Variants in CNTNAP5 observed in about 807,000 individuals in gnomAD.
CNTNAP5 encodes the protein contactin associated protein family member 5.
Under a neutral mutation model 150.2 loss-of-function variants are expected in CNTNAP5, and 72 were observed. That is an observed-to-expected ratio of 0.48 (90% CI 0.40 to 0.58). The LOEUF is 0.58. Ranked by LOEUF, CNTNAP5 falls within the 20% of genes least tolerant of loss-of-function variation. The pLI is 0.00. For missense variants in CNTNAP5, 1,636 were observed against 1,626.2 expected, an observed-to-expected ratio of 1.01 and a Z score of -0.10; for synonymous variants, 672 against 619.8, an observed-to-expected ratio of 1.08 and a Z score of -1.25.
chr2:124,452,670 G>A (rs1367668722), intron 6 of CNTNAP5, among the ~76,000 whole-genome samples: 1 of 152,140 alleles, frequency 6.6e-6, no homozygotes, highest in Non-Finnish European at 1.5e-5. Flanking sequence ...ACTGGAGCAG[G>A]TGCCCATATC....
At chr2:124,826,614 A>G (rs314705) in intron 19 of CNTNAP5, among the ~76,000 whole-genome samples, 131,657 of 152,088 alleles carry the variant, frequency 0.87, 57,475 homozygotes, top group African/African-American at 0.97. Flanking sequence ...TTGTGGACTC[A>G]TTAGAAATGC....
chr2:124,044,541 C>T (rs766226930), intron 1 of CNTNAP5, among the ~76,000 whole-genome samples: 5 of 152,170 alleles, frequency 3.3e-5, no homozygotes, highest in Non-Finnish European at 5.9e-5. Flanking sequence ...TAAAGAAAGA[C>T]ATTCAATTTC....
chr2:124,128,561 G>GTA (rs1558767095), intron 1 of CNTNAP5, among the ~76,000 whole-genome samples: 1 of 152,148 alleles, frequency 6.6e-6, no homozygotes, highest in Non-Finnish European at 1.5e-5. Context: ...CCATTACTGG[G>GTA]TATATACCCA....
intron 11 of CNTNAP5, among the ~76,000 whole-genome samples, chr2:124,563,559 T>C (rs1210175181): frequency 1.3e-5 from 2 of 152,214 alleles, no homozygotes; most frequent in African/African-American, 4.8e-5. Context: ...AATGAGATCA[T>C]GACAGTACAG....
chr2:124,496,400 T>A (rs1694148419), intron 7 of CNTNAP5, among the ~76,000 whole-genome samples: 1 of 152,168 alleles, frequency 6.6e-6, no homozygotes, highest in South Asian at 2.1e-4. Context: ...TTAGATTGGA[T>A]GAAGATCATT....
At chr2:124,269,779 A>C (rs1173383464) in intron 3 of CNTNAP5, among the ~76,000 whole-genome samples, 3 of 152,192 alleles carry the variant, frequency 2.0e-5, no homozygotes, top group Non-Finnish European at 4.4e-5. Context: ...AAGAAGTAAA[A>C]AATGTATGTT....
intron 13 of CNTNAP5, among the ~76,000 whole-genome samples, chr2:124,738,366 TAA>T (rs1204214997): frequency 1.3e-5 from 2 of 152,190 alleles, no homozygotes; most frequent in Non-Finnish European, 1.5e-5. Flanking sequence ...TAAAGATTTA[TAA>T]GAGTGTCTCA....
At chr2:124,255,587 TA>T (rs1271660360) in intron 3 of CNTNAP5, among the ~76,000 whole-genome samples, 1 of 60,350 alleles carries the variant, frequency 1.7e-5, no homozygotes, top group East Asian at 6.1e-4. Context: ...AATAAAATAA[TA>T]ATTTTTTTTT....
At chr2:124,252,240 G>C (rs1687198823) in intron 3 of CNTNAP5, among the ~76,000 whole-genome samples, 1 of 152,190 alleles carries the variant, frequency 6.6e-6, no homozygotes, top group Non-Finnish European at 1.5e-5. Context: ...CACAGCTTGG[G>C]CGGGGCATCC....
intron 20 of CNTNAP5, among the ~76,000 whole-genome samples, chr2:124,868,555 C>T (rs112321429): frequency 6.1e-4 from 93 of 152,292 alleles, no homozygotes; most frequent in African/African-American, 2.1e-3. Flanking sequence ...ATTTCCTTGA[C>T]GTCAACCCTA....
chr2:124,904,308 T>C (rs962240234), intron 22 of CNTNAP5, among the ~76,000 whole-genome samples: 3 of 152,148 alleles, frequency 2.0e-5, no homozygotes, highest in African/African-American at 4.8e-5. Flanking sequence ...AATGGCACAA[T>C]CTTTTTTAAT....
At chr2:124,752,004 T>C (rs1275437200) in intron 14 of CNTNAP5, among the ~76,000 whole-genome samples, 1 of 152,152 alleles carries the variant, frequency 6.6e-6, no homozygotes, top group African/African-American at 2.4e-5. Flanking sequence ...AGAGTAGGCA[T>C]TTTAGCTGAA....
chr2:124,110,938 T>A (rs1683281781), intron 1 of CNTNAP5, among the ~76,000 whole-genome samples: 2 of 152,092 alleles, frequency 1.3e-5, no homozygotes, highest in Admixed American at 1.3e-4. Context: ...AGAGCCCAAG[T>A]TCATTATCGA....
At chr2:124,296,829 G>C (rs1688443316) in intron 3 of CNTNAP5, among the ~76,000 whole-genome samples, 1 of 152,168 alleles carries the variant, frequency 6.6e-6, no homozygotes, top group East Asian at 1.9e-4. Flanking sequence ...GAAAAGGATA[G>C]CTGCAGTAGG....
intron 6 of CNTNAP5, among the ~76,000 whole-genome samples, chr2:124,461,344 G>A (rs948665113): frequency 6.6e-6 from 1 of 151,956 alleles, no homozygotes; most frequent in African/African-American, 2.4e-5. Flanking sequence ...ATACTATGTA[G>A]CCATAAAAAA....
intron 11 of CNTNAP5, among the ~76,000 whole-genome samples, chr2:124,568,174 G>A (rs1254788345): frequency 4.6e-5 from 7 of 152,140 alleles, no homozygotes; most frequent in Non-Finnish European, 8.8e-5. Context: ...TGCTTAAGAC[G>A]CAGTAGAATA....
intron 3 of CNTNAP5, among the ~76,000 whole-genome samples, chr2:124,399,705 T>C: frequency 6.6e-6 from 1 of 152,280 alleles, no homozygotes; most frequent in African/African-American, 2.4e-5. Context: ...GTTAACAAGC[T>C]GACTTTCTGC....
intron 12 of CNTNAP5, among the ~76,000 whole-genome samples, chr2:124,637,214 C>G (rs1489072856): frequency 6.6e-6 from 1 of 152,110 alleles, no homozygotes; most frequent in African/African-American, 2.4e-5. Context: ...GAATTGATTG[C>G]CACGACCCTT....
chr2:124,711,115 A>G (rs1056374522), intron 13 of CNTNAP5, among the ~76,000 whole-genome samples: 2 of 151,960 alleles, frequency 1.3e-5, no homozygotes, highest in African/African-American at 4.8e-5. Flanking sequence ...TACTCAAAAT[A>G]CACAAATTAG....
Sources: allele counts gnomAD v4.1 joint callset (sites outside exome capture counted in the v4.1 genomes callset), GRCh38; gene constraint gnomAD v4.1.1; transcripts MANE v1.5; gene names NCBI Gene and HGNC (gene_info 2026-07-23, HGNC 2026-07-21).